Variants in MTHFD1 observed in about 807,000 individuals in gnomAD.
The protein encoded by MTHFD1 is methylenetetrahydrofolate dehydrogenase, cyclohydrolase and formyltetrahydrofolate synthetase 1.
A neutral mutation model predicts 110.3 loss-of-function variants in MTHFD1; 44 were observed. The ratio of observed to expected loss-of-function variants is 0.40; its 90% CI spans 0.31 to 0.51. The LOEUF (loss-of-function observed/expected upper bound fraction) is 0.51, where lower values mean the gene tolerates loss of function less well. MTHFD1 is among the 20% of genes least tolerant of loss of function. The pLI, the probability that MTHFD1 is intolerant of heterozygous loss-of-function variation, is 0.60. For missense variants in MTHFD1, 909 were observed against 1,173.1 expected (o/e 0.77, Z 3.29); for synonymous variants, 402 against 428.8 (o/e 0.94, Z 0.77).
At chr14:64,416,719 C>T (rs946993273) in intron 6 of MTHFD1, among the ~76,000 whole-genome samples, 1 of 152,152 alleles carries the variant, frequency 6.6e-6, no homozygotes, top group Non-Finnish European at 1.5e-5. Context: ...CAGTTCATTT[C>T]TACAGTTAAA....
intron 1 of MTHFD1, among the ~76,000 whole-genome samples, chr14:64,394,022 G>A (rs1439546222): frequency 6.6e-6 from 1 of 152,026 alleles, no homozygotes; most frequent in Non-Finnish European, 1.5e-5. Context: ...CTCAAAACAA[G>A]CTTCTTTGAC....
intron 22 of MTHFD1, chr14:64,445,242 T>G (rs1456702608): frequency 5.4e-6 from 1 of 186,626 alleles, no homozygotes; most frequent in South Asian, 1.1e-4. Context: ...CAAATGCCAT[T>G]CAGATCAGAA....
intron 24 of MTHFD1, among the ~76,000 whole-genome samples, chr14:64,453,296 G>A (rs2078406372): frequency 6.6e-6 from 1 of 152,056 alleles, no homozygotes; most frequent in Non-Finnish European, 1.5e-5. Flanking sequence ...TCCTGGCTGG[G>A]TGCAGTGGCT....
At chr14:64,452,541 G>T (rs911299969) in intron 24 of MTHFD1, among the ~76,000 whole-genome samples, 26 of 152,196 alleles carry the variant, frequency 1.7e-4, no homozygotes, top group Admixed American at 1.7e-3. Flanking sequence ...CAGCCCATGG[G>T]ACTGAGGCCC....
At chr14:64,388,489 T>C (rs369532225) in intron 1 of MTHFD1, 21 bp downstream of exon 1, 3 of 1,610,428 alleles carry the variant, frequency 1.9e-6, no homozygotes, top group Non-Finnish European at 2.5e-6. Context: ...GACATTGTTG[T>C]TGAGTGTGGG....
chr14:64,456,641 G>A (rs528667247), intron 26 of MTHFD1, among the ~76,000 whole-genome samples: 4 of 152,150 alleles, frequency 2.6e-5, no homozygotes, highest in South Asian at 2.1e-4. Context: ...GTCATCTTCC[G>A]GTTTTTCTGC....
Position 64,427,492 on chromosome 14 carries a change from C to A in MTHFD1, c.1264+19C>A, listed in dbSNP as rs560676043. 1.5e-4 allele frequency: 243 copies of A among 1,613,762 alleles called. 5 individuals are homozygous for A. In the South Asian group the frequency reaches 2.6e-3, roughly 18 times the overall value. ...ATAAAAGGTACTAGTGAGACTGGACCATGGGTGGTGACAGGGGACCTGCTT... is the reference window on the plus strand; with the variant it reads ...ATAAAAGGTACTAGTGAGACTGGACAATGGGTGGTGACAGGGGACCTGCTT... On this transcript the variant is annotated intron_variant, in intron 12 of 27. Transcript: ENST00000652337.
intron 16 of MTHFD1, among the ~76,000 whole-genome samples, chr14:64,437,413 C>T (rs1389641169): frequency 2.6e-5 from 4 of 152,068 alleles, no homozygotes; most frequent in Non-Finnish European, 4.4e-5. Flanking sequence ...AATGGCAACT[C>T]CTGTTTCCTC....
intron 21 of MTHFD1, among the ~76,000 whole-genome samples, chr14:64,442,851 G>A (rs532887495): frequency 3.9e-5 from 6 of 152,188 alleles, no homozygotes; most frequent in Non-Finnish European, 7.4e-5. Flanking sequence ...GGGAGGGAGT[G>A]GGGGAGAGGA....
At chr14:64,403,589 T>C (rs974970253) in intron 2 of MTHFD1, among the ~76,000 whole-genome samples, 2 of 79,680 alleles carry the variant, frequency 2.5e-5, no homozygotes, top group African/African-American at 7.1e-5. Context: ...TATTTTTTTG[T>C]AGAGTTTTTT....
rs113442675 is a variant in MTHFD1, at chr14:64,408,371, T to C, written c.127-2719T>C. Among the ~76,000 whole-genome samples the C allele has an allele frequency of 6.9e-3, 1,022 of 148,310 alleles. 12 individuals are homozygous for C. Among genetic ancestry groups the C allele is most frequent in the African/African-American group, 0.023 (941 of 40,716 alleles). On this transcript the variant is annotated intron_variant, in intron 2 of 27. Transcript: ENST00000652337. The stretch of plus-strand genomic sequence containing the variant: ...TGGCACGATCTTGGCTCACTGCAAC[T>C]TCTGCCCCCGGGGTTCAAGGGATTC...
chr14:64,391,719 C>T lies in MTHFD1; in HGVS notation c.41+3251C>T, dbSNP rs149150017. 3.6e-3 allele frequency among the ~76,000 whole-genome samples: 551 copies of T among 152,270 alleles called. 4 individuals are homozygous for T. The highest frequency in any genetic ancestry group is 6.7e-3 in the Admixed American group (102 of 15,294). ...AAGTAACAGCCCCTTTTCTCCCTCA[C>T]GGGGAATTCTAAGTTTGCAGCCTGA... On this transcript the variant is annotated intron_variant, in intron 1 of 27. Transcript: ENST00000652337.
chr14:64,427,562 G>C, intron 12 of MTHFD1, 89 bp downstream of exon 12: 1 of 1,285,128 alleles, frequency 7.8e-7, no homozygotes, highest in Non-Finnish European at 1.1e-6. Context: ...ATACTTATGG[G>C]GTCTTCAACT....
intron 1 of MTHFD1, among the ~76,000 whole-genome samples, chr14:64,397,019 G>C (rs1417671097): frequency 3.0e-5 from 4 of 131,688 alleles, no homozygotes; most frequent in East Asian, 2.6e-4. Context: ...GCAGGAGAAT[G>C]GCTTGAACCC....
chr14:64,431,572 C>A lies in MTHFD1; in HGVS notation c.1352C>A (p.Ala451Glu). Residue 451 changes from alanine to glutamate, a missense_variant, in exon 14 of 28, where the codon GCA becomes GAA. Physicochemically the swap from Ala to Glu is moderately radical, Grantham distance 107 (BLOSUM62 -1). This residue lies in a region of MTHFD1 where 482 missense variants were observed against 646.0 expected (regional missense o/e 0.75). Coordinates refer to ENST00000652337, the MANE Select transcript of MTHFD1 (RefSeq NM_005956.4). ...ACAGGTGACATCCATGCCATCACTG[C>A]AGCTAATAACCTCGTTGCTGCGGCC... ...HLTGDIHAIT[A>E]ANNLVAAAID... The A allele has an allele frequency of 1.2e-6, 2 of 1,614,194 alleles. No homozygotes were observed. The highest frequency in any genetic ancestry group is 1.7e-6 in the Non-Finnish European group (2 of 1,180,018).
chr14:64,441,509 G>T (rs1158906603), intron 19 of MTHFD1, 56 bp downstream of exon 19: 1 of 1,568,168 alleles, frequency 6.4e-7, no homozygotes, highest in African/African-American at 1.4e-5. Context: ...AGAGCAGAGT[G>T]GTTATAAAGC....
intron 12 of MTHFD1, 27 bp downstream of exon 12, chr14:64,427,500 G>C: frequency 6.2e-7 from 1 of 1,613,390 alleles, no homozygotes; most frequent in Non-Finnish European, 8.5e-7. Flanking sequence ...ACCATGGGTG[G>C]TGACAGGGGA....
chr14:64,422,548 G>A (rs2078082943), intron 8 of MTHFD1, among the ~76,000 whole-genome samples: 1 of 152,114 alleles, frequency 6.6e-6, no homozygotes, highest in Non-Finnish European at 1.5e-5. Flanking sequence ...AAGATAAATT[G>A]AGAAGGGCCA....
At chr14:64,401,386 C>G (rs1223169269) in intron 2 of MTHFD1, among the ~76,000 whole-genome samples, 2 of 152,110 alleles carry the variant, frequency 1.3e-5, no homozygotes, top group Non-Finnish European at 2.9e-5. Context: ...CAGATTTATC[C>G]ATTAATGTTT....
Sources: allele counts gnomAD v4.1 joint callset (sites outside exome capture counted in the v4.1 genomes callset), GRCh38; gene constraint gnomAD v4.1.1; regional missense constraint gnomAD v4.1.1; transcripts MANE v1.5; gene names NCBI Gene and HGNC (gene_info 2026-07-23, HGNC 2026-07-21).